Variants in CDH12 observed in about 807,000 individuals in gnomAD.
The protein encoded by CDH12 is cadherin 12.
CDH12 carries 41 observed loss-of-function variants against 74.1 expected under a neutral mutation model. The ratio of observed to expected loss-of-function variants is 0.55; its 90% CI spans 0.43 to 0.72. The LOEUF is 0.72. Among genes scored for constraint, CDH12 ranks in the 30% least tolerant of loss-of-function variants. The pLI, the probability that CDH12 is intolerant of heterozygous loss-of-function variation, is 0.00. For missense variants in CDH12, 945 were observed against 977.2 expected, an observed-to-expected ratio of 0.97 and a Z score of 0.44; for synonymous variants, 399 against 355.0, an observed-to-expected ratio of 1.12 and a Z score of -1.39.
intron 3 of CDH12, among the ~76,000 whole-genome samples, chr5:22,357,038 GCA>G (rs1740591833): frequency 1.3e-5 from 2 of 152,030 alleles, no homozygotes. Context: ...ATTAGGTGTA[GCA>G]ATTTATCTAT....
chr5:22,524,702 T>C (rs1302415117), intron 1 of CDH12, among the ~76,000 whole-genome samples: 1 of 152,226 alleles, frequency 6.6e-6, no homozygotes, highest in South Asian at 2.1e-4. Context: ...CAGGCTTCCA[T>C]ATCAGAGTGG....
chr5:22,420,775 C>T (rs1414268103), intron 2 of CDH12, among the ~76,000 whole-genome samples: 1 of 152,146 alleles, frequency 6.6e-6, no homozygotes, highest in Non-Finnish European at 1.5e-5. Context: ...CTATAAATTA[C>T]TTTCAGCAGT....
chr5:22,653,374 T>A (rs1293417329), intron 1 of CDH12, among the ~76,000 whole-genome samples: 1 of 152,046 alleles, frequency 6.6e-6, no homozygotes, highest in Non-Finnish European at 1.5e-5. Context: ...AATGCTTGAT[T>A]ACACTGCTCT....
intron 3 of CDH12, among the ~76,000 whole-genome samples, chr5:22,342,156 C>A (rs892326351): frequency 6.6e-6 from 1 of 152,086 alleles, no homozygotes; most frequent in Non-Finnish European, 1.5e-5. Context: ...GCCTCACACA[C>A]ATTACTAATA....
chr5:21,882,828 G>A, intron 6 of CDH12: 1 of 1,546,440 alleles, frequency 6.5e-7, no homozygotes, highest in Non-Finnish European at 8.9e-7. Context: ...TGGTGTGACT[G>A]TTGCAAAGTC....
intron 4 of CDH12, among the ~76,000 whole-genome samples, chr5:22,098,425 T>G (rs887854777): frequency 9.2e-5 from 14 of 152,296 alleles, no homozygotes; most frequent in African/African-American, 1.7e-4. Flanking sequence ...ACCCCACCCT[T>G]TAGCCTTTCT....
chr5:22,328,074 G>C (rs1286451727), intron 3 of CDH12, among the ~76,000 whole-genome samples: 1 of 152,076 alleles, frequency 6.6e-6, no homozygotes, highest in African/African-American at 2.4e-5. Context: ...CAAGGATTAG[G>C]CAGAAAAAAG....
chr5:22,501,610 A>G (rs1404788652), intron 2 of CDH12, among the ~76,000 whole-genome samples: 1 of 152,128 alleles, frequency 6.6e-6, no homozygotes, highest in African/African-American at 2.4e-5. Flanking sequence ...AACCTTTGAC[A>G]ATTACCAAAA....
intron 6 of CDH12, among the ~76,000 whole-genome samples, chr5:21,857,317 A>G (rs1408130862): frequency 6.6e-6 from 1 of 151,814 alleles, no homozygotes; most frequent in Non-Finnish European, 1.5e-5. Context: ...TTCTCTTATC[A>G]TTTGAATCCA....
chr5:22,656,607 T>C (rs1229025442), intron 1 of CDH12, among the ~76,000 whole-genome samples: 1 of 152,184 alleles, frequency 6.6e-6, no homozygotes, highest in East Asian at 1.9e-4. Flanking sequence ...AAAAATTTCT[T>C]AGTGAAAATA....
intron 4 of CDH12, among the ~76,000 whole-genome samples, chr5:22,162,576 G>A (rs1313763743): frequency 3.9e-5 from 6 of 152,154 alleles, no homozygotes; most frequent in Non-Finnish European, 1.5e-5. Flanking sequence ...GGTCAGACAA[G>A]AATCACATGT....
chr5:22,031,136 C>T (rs573260755), intron 5 of CDH12, among the ~76,000 whole-genome samples: 1 of 152,118 alleles, frequency 6.6e-6, no homozygotes, highest in South Asian at 2.1e-4. Context: ...AGTTCGAGAC[C>T]AGCCTGGCCA....
chr5:22,422,659 TG>T, intron 2 of CDH12, among the ~76,000 whole-genome samples: 1 of 152,294 alleles, frequency 6.6e-6, no homozygotes, highest in East Asian at 1.9e-4. Context: ...CTTGTGATGG[TG>T]GGAAAAATTT....
At chr5:22,784,730 A>G (rs557973723) in intron 1 of CDH12, among the ~76,000 whole-genome samples, 2 of 152,070 alleles carry the variant, frequency 1.3e-5, no homozygotes, top group Non-Finnish European at 2.9e-5. Flanking sequence ...CAAAAAGAGT[A>G]TGTTTTCTAT....
At chr5:22,504,249 A>T (rs1040712304) in intron 2 of CDH12, among the ~76,000 whole-genome samples, 1 of 151,996 alleles carries the variant, frequency 6.6e-6, no homozygotes. Context: ...TTACATTGTT[A>T]ATCTAAAATT....
At chr5:22,192,379 A>C (rs1750357190) in intron 4 of CDH12, among the ~76,000 whole-genome samples, 2 of 151,890 alleles carry the variant, frequency 1.3e-5, no homozygotes, top group Admixed American at 6.6e-5. Context: ...ACAAACTAAT[A>C]AAATAATGAG....
intron 6 of CDH12, among the ~76,000 whole-genome samples, chr5:21,906,678 G>A (rs1753655211): frequency 1.3e-5 from 2 of 152,028 alleles, no homozygotes. Context: ...TGGAACTTTG[G>A]GACCTGTCAC....
chr5:22,338,546 T>C (rs1472883978), intron 3 of CDH12, among the ~76,000 whole-genome samples: 1 of 152,140 alleles, frequency 6.6e-6, no homozygotes, highest in Non-Finnish European at 1.5e-5. Flanking sequence ...AATAATAATT[T>C]AATTGTACAT....
intron 1 of CDH12, among the ~76,000 whole-genome samples, chr5:22,543,654 T>C (rs982522923): frequency 2.6e-5 from 4 of 152,144 alleles, no homozygotes; most frequent in African/African-American, 7.2e-5. Context: ...GCACAGGCAA[T>C]CTGGGCTGTC....
Sources: allele counts gnomAD v4.1 joint callset (sites outside exome capture counted in the v4.1 genomes callset), GRCh38; gene constraint gnomAD v4.1.1; transcripts MANE v1.5; gene names NCBI Gene and HGNC (gene_info 2026-07-23, HGNC 2026-07-21).